SYN2: variants seen among roughly 807,000 people sequenced by gnomAD.
SYN2 encodes synapsin II.
SYN2 carries 19 observed loss-of-function variants against 50.9 expected under a neutral mutation model. The ratio of observed to expected loss-of-function variants is 0.37; its 90% CI spans 0.26 to 0.55. SYN2 has a LOEUF of 0.55. Ranked by LOEUF, SYN2 falls within the 20% of genes least tolerant of loss-of-function variation. The pLI, the probability that SYN2 is intolerant of heterozygous loss-of-function variation, is 0.81. For missense variants in SYN2, 587 were observed against 576.4 expected (o/e 1.02, Z -0.19); for synonymous variants, 255 against 224.9 (o/e 1.13, Z -1.20).
At chr3:12,032,007 AGCGGCT>A (rs1316290914) in intron 1 of SYN2, among the ~76,000 whole-genome samples, 1 of 147,412 alleles carries the variant, frequency 6.8e-6, no homozygotes, top group Non-Finnish European at 1.5e-5. Context: ...ATGATTTTGC[AGCGGCT>A]GGTACCGGTT....
intron 1 of SYN2, among the ~76,000 whole-genome samples, chr3:12,115,569 C>T (rs974404079): frequency 7.9e-5 from 12 of 152,064 alleles, no homozygotes; most frequent in Admixed American, 2.6e-4. Flanking sequence ...TTATTCATTC[C>T]GTATTTTTAA....
intron 10 of SYN2, among the ~76,000 whole-genome samples, chr3:12,176,794 C>G (rs1036700359): frequency 6.6e-6 from 1 of 152,186 alleles, no homozygotes; most frequent in African/African-American, 2.4e-5. Flanking sequence ...ATCTTTAGCT[C>G]TCTGATGCCG....
chr3:12,144,280 T>C (rs1163403730), intron 3 of SYN2, among the ~76,000 whole-genome samples: 1 of 152,164 alleles, frequency 6.6e-6, no homozygotes, highest in East Asian at 1.9e-4. Context: ...TCAACCTCAG[T>C]TCTGCGAAAA....
In SYN2 at chr3:12,046,737, A is replaced by G. The variant is rs573012590; in HGVS notation, c.377+41809A>G. On this transcript the variant is annotated intron_variant, in intron 1 of 12. Transcript: ENST00000621198. ...TGGAGATGAAGAGAGTTGGAATAAT[A>G]TAAGAAATATTTAATAGATCATCAA... Among the ~76,000 whole-genome samples the G allele has an allele frequency of 1.8e-4, 28 of 152,284 alleles. No individual in the cohort carries two copies. In the South Asian group the frequency reaches 1.9e-3, roughly 10 times the overall value.
chr3:12,071,537 G>T, intron 1 of SYN2: 2 of 353,722 alleles, frequency 5.7e-6, no homozygotes, highest in South Asian at 2.3e-5. Flanking sequence ...AGAACTTGTT[G>T]CTGATTTTGA....
In SYN2 at chr3:12,169,701, C is replaced by T. The variant is rs529317771; in HGVS notation, c.1159-56C>T. On this transcript the variant is annotated intron_variant, in intron 9 of 12. Transcript: ENST00000621198. ...TTCCTACCCATTCTGAAAGATTGTACCAGGCCATTTATGTTTCCAGACCCC... is the reference window on the plus strand; with the variant it reads ...TTCCTACCCATTCTGAAAGATTGTATCAGGCCATTTATGTTTCCAGACCCC... The T allele has an allele frequency of 6.0e-5, 95 of 1,595,864 alleles. 1 individual carries two copies. In the South Asian group the frequency reaches 1.0e-3, roughly 17 times the overall value.
intron 1 of SYN2, among the ~76,000 whole-genome samples, chr3:12,140,293 T>G (rs1367381076): frequency 1.3e-5 from 2 of 152,182 alleles, no homozygotes; most frequent in African/African-American, 2.4e-5. Context: ...AAACGAAGGA[T>G]CAAGGAAAAT....
chr3:12,061,838 A>T (rs1027026406), intron 1 of SYN2, among the ~76,000 whole-genome samples: 4 of 152,130 alleles, frequency 2.6e-5, no homozygotes, highest in African/African-American at 9.6e-5. Flanking sequence ...TTCAAGACGT[A>T]TAAGCAGAAC....
At chr3:12,035,025 AG>A (rs1429055329) in intron 1 of SYN2, among the ~76,000 whole-genome samples, 1 of 152,224 alleles carries the variant, frequency 6.6e-6, no homozygotes, top group Non-Finnish European at 1.5e-5. Context: ...AAATCGAAAC[AG>A]GTTGTTTATT....
chr3:12,149,941 T>C (rs79186078), intron 4 of SYN2, among the ~76,000 whole-genome samples: 2,508 of 152,328 alleles, frequency 0.016, 29 homozygotes, highest in Non-Finnish European at 0.025. Flanking sequence ...TCTCATTTTA[T>C]ATATGAAGAA....
intron 7 of SYN2, among the ~76,000 whole-genome samples, chr3:12,164,338 A>T (rs1157588670): frequency 6.6e-5 from 10 of 152,232 alleles, no homozygotes; most frequent in African/African-American, 2.2e-4. Flanking sequence ...GACTTCTAAA[A>T]CATTGATGAA....
rs1013323253 is a variant in SYN2 at position 12,019,216 on chromosome 3, G to A, written c.377+14288G>A. On this transcript the variant is annotated intron_variant, in intron 1 of 12. Coordinates refer to ENST00000621198, the MANE Select transcript of SYN2 (RefSeq NM_133625.6). ...AATTTGGAGGGAATTTTGGTGGTTG[G>A]AGACTACAAGACTGAAAATGTGAAA... is the stretch of plus-strand genomic sequence containing the variant. Among the ~76,000 whole-genome samples, 8 of 152,268 alleles carry A rather than the reference G, an allele frequency of 5.3e-5. No individual in the cohort carries two copies. In the East Asian group the frequency reaches 1.5e-3, roughly 29 times the overall value.
intron 1 of SYN2, among the ~76,000 whole-genome samples, chr3:12,121,732 G>A (rs2125202964): frequency 6.6e-6 from 1 of 151,090 alleles, no homozygotes; most frequent in Admixed American, 6.6e-5. Context: ...GAGGAAGGAA[G>A]GAATGAAGGA....
At chr3:12,012,507 G>T (rs1018999780) in intron 1 of SYN2, among the ~76,000 whole-genome samples, 2 of 152,154 alleles carry the variant, frequency 1.3e-5, no homozygotes, top group Non-Finnish European at 2.9e-5. Flanking sequence ...TGCTCATTGT[G>T]CTTATTCACA....
At chr3:12,180,123 A>T in intron 10 of SYN2, among the ~76,000 whole-genome samples, 1 of 151,770 alleles carries the variant, frequency 6.6e-6, no homozygotes, top group Non-Finnish European at 1.5e-5. Flanking sequence ...TAATTTTTGT[A>T]TTTTTTGTAG....
intron 1 of SYN2, among the ~76,000 whole-genome samples, chr3:12,128,005 G>A (rs1696708841): frequency 1.3e-5 from 2 of 151,808 alleles, no homozygotes; most frequent in Admixed American, 1.3e-4. Flanking sequence ...GAGTGCAGTG[G>A]TGTGAACATG....
chr3:12,024,433 T>G (rs1187986205), intron 1 of SYN2, among the ~76,000 whole-genome samples: 1 of 152,082 alleles, frequency 6.6e-6, no homozygotes, highest in African/African-American at 2.4e-5. Flanking sequence ...GCATTACTTC[T>G]TTCAATCTTG....
intron 1 of SYN2, among the ~76,000 whole-genome samples, chr3:12,048,260 C>G (rs1325724080): frequency 6.6e-6 from 1 of 152,186 alleles, no homozygotes; most frequent in Non-Finnish European, 1.5e-5. Context: ...CTGCAGCCAT[C>G]GGACTCAAGC....
chr3:12,025,851 G>C (rs1410830152), intron 1 of SYN2, among the ~76,000 whole-genome samples: 1 of 152,158 alleles, frequency 6.6e-6, no homozygotes, highest in Non-Finnish European at 1.5e-5. Context: ...TCTCAAGGTA[G>C]ATATTATACT....
Sources: gnomAD v4.1 joint callset for allele counts (sites outside exome capture counted in the v4.1 genomes callset) on GRCh38, gnomAD v4.1.1 for gene constraint, MANE v1.5 for transcripts, NCBI Gene and HGNC (gene_info 2026-07-23, HGNC 2026-07-21) for gene names.